The following COL18A1 variants were observed in gnomAD, a reference collection of about 807,000 sequenced individuals.
The protein encoded by COL18A1 is collagen type XVIII alpha 1 chain, also known as collagen alpha-1(XVIII) chain.
COL18A1 carries 133 observed loss-of-function variants against 168.0 expected under a neutral mutation model. That is an observed-to-expected ratio of 0.79 (90% CI 0.69 to 0.91). The LOEUF is 0.91. Ranked by LOEUF, COL18A1 falls within the 40% of genes least tolerant of loss-of-function variation. The pLI, the probability that COL18A1 is intolerant of heterozygous loss-of-function variation, is 0.00. For synonymous variants in COL18A1, 949 were observed against 809.0 expected (o/e 1.17, Z -2.94); for missense variants, 2,126 against 1,925.4 (o/e 1.10, Z -1.95).
intron 2 of COL18A1, among the ~76,000 whole-genome samples, chr21:45,467,817 C>G (rs2035269092): frequency 6.6e-6 from 1 of 152,068 alleles, no homozygotes; most frequent in African/African-American, 2.4e-5. Flanking sequence ...CCTCACAGCT[C>G]CTTGCCCCAG....
Position 45,480,626 on chromosome 21 carries a change from C to T in COL18A1, c.1453-74C>T, listed in dbSNP as rs572737816. The T allele has an allele frequency of 4.1e-5, 66 of 1,612,382 alleles. No homozygotes were observed. In the East Asian group the frequency reaches 1.3e-3, roughly 33 times the overall value. ...GGTCCTGTGGGGGGTGGGGATGAGG[C>T]CCGTTCTGGGGGTGGTGGTCATCCC... On this transcript the variant is annotated intron_variant, in intron 12 of 41. Coordinates refer to ENST00000651438, the MANE Select transcript of COL18A1 (RefSeq NM_001379500.1).
intron 2 of COL18A1, among the ~76,000 whole-genome samples, chr21:45,461,001 G>A (rs913867084): frequency 1.2e-4 from 18 of 152,144 alleles, no homozygotes; most frequent in Admixed American, 6.5e-5. Flanking sequence ...TTGGGTTTTT[G>A]TATATATCTA....
chr21:45,413,318 C>T (rs1395070042), intron 2 of COL18A1, among the ~76,000 whole-genome samples: 1 of 152,270 alleles, frequency 6.6e-6, no homozygotes, highest in Non-Finnish European at 1.5e-5. Flanking sequence ...CCTCCTCCAG[C>T]CGCGCTACGT....
rs1448236360 is a variant in COL18A1 at position 45,437,652 on chromosome 21, G to C, written c.107-30590G>C. Among the ~76,000 whole-genome samples the C allele has an allele frequency of 9.2e-5, 3 of 32,534 alleles. 1 individual carries two copies. The highest frequency in any genetic ancestry group is 1.5e-4 in the Non-Finnish European group (3 of 19,644). 21.3% of individuals were successfully genotyped at this position (32,534 alleles called of 152,430 possible). A position where few individuals can be genotyped will look rare whatever the true frequency, so the allele number is the denominator to read the frequency against. On this transcript the variant is annotated intron_variant, in intron 2 of 41. Transcript: ENST00000651438. ...CACACACTCACACAGGCACTCTCCT[G>C]CACACACACACACTCAGACACACAG... is the stretch of plus-strand genomic sequence containing the variant.
intron 2 of COL18A1, among the ~76,000 whole-genome samples, chr21:45,450,107 C>T (rs1301133559): frequency 2.0e-5 from 3 of 152,260 alleles, no homozygotes; most frequent in South Asian, 2.1e-4. Flanking sequence ...GTACTGGGAC[C>T]TCAGGGCCCA....
rs1412434913 is a variant in COL18A1, at chr21:45,413,758, C to A, written c.106+8285C>A. Among the ~76,000 whole-genome samples, 3 of 104,264 alleles carry A rather than the reference C, an allele frequency of 2.9e-5. No homozygotes were observed. The Admixed American group carries it at 3.2e-4, about 11-fold the overall frequency. 68.4% of individuals were successfully genotyped at this position (104,264 alleles called of 152,430 possible). ...CTGAGGGAAGCAAAGGCCCCGCCAG[C>A]CATGCCCAGCACTTGTGCCTGGGCC... On this transcript the variant is annotated intron_variant, in intron 2 of 41. Coordinates refer to ENST00000651438, the MANE Select transcript of COL18A1 (RefSeq NM_001379500.1).
At chr21:45,444,908 T>C (rs1378270656) in intron 2 of COL18A1, among the ~76,000 whole-genome samples, 1 of 152,084 alleles carries the variant, frequency 6.6e-6, no homozygotes, top group African/African-American at 2.4e-5. Context: ...TAATAAGAAA[T>C]CAAGCAGCAT....
chr21:45,506,175 A>C, intron 37 of COL18A1: 1 of 672,514 alleles, frequency 1.5e-6, no homozygotes, highest in Non-Finnish European at 2.5e-6. Context: ...AAGCTTCTGA[A>C]AGTGGATGAA....
rs778844035 is a variant in COL18A1, at chr21:45,422,502, G to A, written c.106+17029G>A. The A allele has an allele frequency of 2.5e-5, 13 of 525,590 alleles. No individual in the cohort carries two copies. The East Asian group carries it at 3.9e-4, about 16-fold the overall frequency. 32.6% of individuals were successfully genotyped at this position (525,590 alleles called of 1,614,324 possible). ...AGAAGCCAGGAGCCGGGGCCTTTGCGTGGCTGCCTGGCCTGACGCACCTCG... is the reference window on the plus strand; with the variant it reads ...AGAAGCCAGGAGCCGGGGCCTTTGCATGGCTGCCTGGCCTGACGCACCTCG... On this transcript the variant is annotated intron_variant, in intron 2 of 41. Coordinates refer to ENST00000651438, the MANE Select transcript of COL18A1 (RefSeq NM_001379500.1).
chr21:45,415,973 G>T (rs1214225894), intron 2 of COL18A1, among the ~76,000 whole-genome samples: 2 of 152,284 alleles, frequency 1.3e-5, no homozygotes, highest in Non-Finnish European at 1.5e-5. Flanking sequence ...CGGCTATCTG[G>T]AATGCCTCGC....
At chr21:45,474,044 C>T in intron 4 of COL18A1, 63 bp downstream of exon 4, 1 of 1,341,698 alleles carries the variant, frequency 7.5e-7, no homozygotes, top group Non-Finnish European at 1.0e-6. Context: ...GAGTTCAGGG[C>T]CAAGGTCTAT....
At position 45,476,921 on chromosome 21, in the gene COL18A1, T is replaced by TTGTGTGTGTG. The variant is rs56196443; in HGVS notation, c.928+462_929-460dup. Among the ~76,000 whole-genome samples, 439 of 146,954 alleles carry TTGTGTGTGTG rather than the reference T, an allele frequency of 3.0e-3. 5 individuals carry two copies. The highest frequency in any genetic ancestry group is 9.8e-3 in the African/African-American group (391 of 39,944). On this transcript the variant is annotated intron_variant, in intron 6 of 41. Transcript: ENST00000651438. ...ATGTGTGTGATGTGTATTATGTGTT[T>TTGTGTGTGTG]TGTGTGTGTGTGTGTGTGTGTGTGT...
intron 32 of COL18A1, among the ~76,000 whole-genome samples, chr21:45,499,641 A>G (rs1181029162): frequency 6.6e-6 from 1 of 151,940 alleles, no homozygotes; most frequent in African/African-American, 2.4e-5. Context: ...CAGGCTGCAC[A>G]GCATGGTGTC....
chr21:45,505,311 G>T lies in COL18A1; in HGVS notation c.3013+33G>T, dbSNP rs1052361813. 3.1e-6 allele frequency: 5 copies of T among 1,602,130 alleles called. No homozygotes were observed. The East Asian group carries it at 6.7e-5, about 21-fold the overall frequency. ...AGTGGGGAGTGGGCCCCGGGCAGAG[G>T]CCGCCTCGTGTGGCTTCGTGTTCCC... is the stretch of plus-strand genomic sequence containing the variant. On this transcript the variant is annotated intron_variant, in intron 35 of 41. Transcript: ENST00000651438.
At chr21:45,476,201 C>A (rs1024103655) in intron 5 of COL18A1, 150 bp from the exon 6 acceptor site, 1 of 1,189,480 alleles carries the variant, frequency 8.4e-7, no homozygotes, top group African/African-American at 1.5e-5. Context: ...GAAGGAAGCC[C>A]CTCGCGCACG....
chr21:45,414,598 C>T (rs1473781990), intron 2 of COL18A1, among the ~76,000 whole-genome samples: 2 of 152,200 alleles, frequency 1.3e-5, no homozygotes, highest in Admixed American at 1.3e-4. Context: ...CAGGCCTGGC[C>T]CCTGCTGATG....
chr21:45,488,275 C>T lies in COL18A1; in HGVS notation c.1897-143C>T, dbSNP rs539041621. On this transcript the variant is annotated intron_variant, in intron 17 of 41. Transcript: ENST00000651438. The stretch of plus-strand genomic sequence containing the variant: ...TTGATTCCATAGTAAGTTAGAATGG[C>T]TTTACCATTTTAACTTAGTACATTT... 34 of 1,044,608 alleles carry T rather than the reference C, an allele frequency of 3.3e-5. No individual in the cohort carries two copies. The African/African-American group carries it at 4.2e-4, about 13-fold the overall frequency. The allele number at this position is 1,044,608 out of a possible 1,614,324, so 64.7% of individuals were successfully genotyped here.
In COL18A1 at chr21:45,496,280, C is replaced by T. The variant is rs964892511; in HGVS notation, c.2509-220C>T. 70 of 709,518 alleles carry T rather than the reference C, an allele frequency of 9.9e-5. 1 individual carries two copies. The highest frequency in any genetic ancestry group is 3.4e-4 in the Admixed American group (17 of 49,884). The allele number at this position is 709,518 out of a possible 1,614,324, so 44.0% of individuals were successfully genotyped here. A position where few individuals can be genotyped will look rare whatever the true frequency, so the allele number is the denominator to read the frequency against. On this transcript the variant is annotated intron_variant, in intron 29 of 41. Transcript: ENST00000651438. ...TGGCCTCTTCACTCCTCCCGAGGGA[C>T]GTCTGTGCACGACTCCAGCGTGGGA...
intron 29 of COL18A1, chr21:45,496,246 C>T (rs577228996): frequency 4.1e-5 from 28 of 686,662 alleles, no homozygotes; most frequent in African/African-American, 2.3e-4. Flanking sequence ...ACCTGAGACG[C>T]AGACCCGGTG....
Sources: allele counts gnomAD v4.1 joint callset (sites outside exome capture counted in the v4.1 genomes callset), GRCh38; gene constraint gnomAD v4.1.1; transcripts MANE v1.5; gene names NCBI Gene and HGNC (gene_info 2026-07-23, HGNC 2026-07-21).